NUP98: variants seen among roughly 807,000 people sequenced by gnomAD.
NUP98 encodes the protein nucleoporin 98 and 96 precursor.
In NUP98, 26 loss-of-function variants were observed where a neutral mutation model predicts 191.9. The ratio of observed to expected loss-of-function variants is 0.14; its 90% CI spans 0.10 to 0.19. The LOEUF (loss-of-function observed/expected upper bound fraction) is 0.19, where lower values mean the gene tolerates loss of function less well. NUP98 is among the 10% of genes least tolerant of loss of function. NUP98 has a pLI of 1.00. For missense variants in NUP98, 1,941 were observed against 2,178.8 expected (o/e 0.89, Z 2.17); for synonymous variants, 808 against 778.4 (o/e 1.04, Z -0.63).
In NUP98 at chr11:3,762,902, C is replaced by T. The variant is rs777065552; in HGVS notation, c.1086G>A (p.Ser362=). ...QTNTGFGAVG[S]TLFGNNKLTT... is the part of the protein sequence containing the mutation. ...ATTACAGTCAACTGCAGAAACCTAC[C>T]GAACCAACAGCACCAAATCCAGTAT... is the stretch of plus-strand genomic sequence containing the variant. The change falls in exon 9 of 33, where the codon TCG becomes TCA. Residue 362 remains serine (S), a splice_region_variant and synonymous_variant. Transcript: ENST00000324932. 7.4e-6 allele frequency: 12 copies of T among 1,612,748 alleles called. No homozygotes were observed. The highest frequency in any genetic ancestry group is 1.7e-5 in the Admixed American group (1 of 59,624).
At chr11:3,767,122 C>A (rs967145833) in intron 8 of NUP98, among the ~76,000 whole-genome samples, 1 of 152,030 alleles carries the variant, frequency 6.6e-6, no homozygotes, top group African/African-American at 2.4e-5. Context: ...GCCACCCAGC[C>A]CAGCTAATTT....
chr11:3,718,179 A>T (rs2079255549), intron 18 of NUP98, among the ~76,000 whole-genome samples: 1 of 152,180 alleles, frequency 6.6e-6, no homozygotes. Flanking sequence ...GAATTCACCA[A>T]TGAGGCCATC....
At position 3,683,266 on chromosome 11, in the gene NUP98, G is replaced by A; in HGVS notation, c.4852C>T (p.Leu1618Phe). Residue 1618 changes from leucine to phenylalanine, a missense_variant, in exon 30 of 33, where the codon CTT becomes TTT. Transcript: ENST00000324932. ...CAGTGCTCAGCCTTAAATAAGCAAAGGGCCTCTAAGTGCTTGTCAGATTCC... is the reference window on the plus strand; with the variant it reads ...CAGTGCTCAGCCTTAAATAAGCAAAAGGCCTCTAAGTGCTTGTCAGATTCC... ...HMESDKHLEA[L>F]CLFKAEHWNR... is the part of the protein sequence containing the mutation. 6.2e-7 allele frequency: 1 copy of A among 1,614,128 alleles called. No individual in the cohort carries two copies. The highest frequency in any genetic ancestry group is 8.5e-7 in the Non-Finnish European group (1 of 1,180,016).
chr11:3,788,840 G>T (rs7929637), intron 1 of NUP98, among the ~76,000 whole-genome samples: 1 of 150,114 alleles, frequency 6.7e-6, no homozygotes, highest in East Asian at 2.0e-4. Context: ...CCAGCTATTC[G>T]GGAGGCTGAG....
intron 5 of NUP98, among the ~76,000 whole-genome samples, chr11:3,774,482 T>C (rs1477733786): frequency 2.0e-5 from 3 of 152,098 alleles, no homozygotes; most frequent in Middle Eastern, 6.8e-3. Context: ...CCCAGCACTT[T>C]GGGAGGCCGA....
At chr11:3,679,822 G>C in intron 30 of NUP98, 114 bp from the exon 31 acceptor site, 1 of 1,015,570 alleles carries the variant, frequency 9.8e-7, no homozygotes, top group Non-Finnish European at 1.4e-6. Context: ...CTGGACTTCA[G>C]AAGTAAAAGC....
chr11:3,725,138 T>C lies in NUP98; in HGVS notation c.1812A>G (p.Leu604=). 1 of 1,596,462 alleles carries C rather than the reference T, an allele frequency of 6.3e-7. No homozygotes were observed. Among genetic ancestry groups the C allele is most frequent in the Non-Finnish European group, 8.6e-7 (1 of 1,164,836 alleles). ...FSPVNRDSEN[L]ASPSEYPENG... is the part of the protein sequence containing the mutation. ...TTTCTGGATATTCAGATGGTGAAGC[T>C]AGATTTTCTGAATCACGATTAACAG... The change falls in exon 15 of 33, where the codon CTA becomes CTG. Residue 604 remains leucine (L), a synonymous_variant. Coordinates refer to ENST00000324932, the MANE Select transcript of NUP98 (RefSeq NM_016320.5).
intron 28 of NUP98, among the ~76,000 whole-genome samples, chr11:3,687,495 T>G (rs7937799): frequency 0.091 from 13,799 of 152,268 alleles, 686 homozygotes; most frequent in South Asian, 0.16. Context: ...TGCTTTGTTT[T>G]CTTCTAGAAG....
rs573681848 is a variant in NUP98 at position 3,706,413 on chromosome 11, T to C, written c.2925+32A>G. The stretch of plus-strand genomic sequence containing the variant: ...TGGAGATAAAATATTAGTTTGGCTT[T>C]CTGTTACAAAAAAGGTGGGTTAGAA... On this transcript the variant is annotated intron_variant, in intron 21 of 32. Transcript: ENST00000324932. The C allele has an allele frequency of 6.2e-6, 10 of 1,606,316 alleles. No homozygotes were observed. In the South Asian group the frequency reaches 7.7e-5, roughly 12 times the overall value.
intron 11 of NUP98, among the ~76,000 whole-genome samples, chr11:3,745,933 G>A (rs565199790): frequency 5.2e-4 from 79 of 152,178 alleles, no homozygotes; most frequent in African/African-American, 1.9e-3. Context: ...AATCAGTAAG[G>A]ATGACTACTG....
intron 8 of NUP98, among the ~76,000 whole-genome samples, chr11:3,763,476 G>A (rs1055071280): frequency 1.3e-5 from 2 of 152,164 alleles, no homozygotes; most frequent in African/African-American, 4.8e-5. Flanking sequence ...TCAAGCTGGG[G>A]AGTGAACTTA....
intron 25 of NUP98, 55 bp from the exon 26 acceptor site, chr11:3,695,661 A>C: frequency 8.0e-7 from 1 of 1,254,646 alleles, no homozygotes; most frequent in Admixed American, 2.8e-5. Context: ...GGACTTCGTC[A>C]AACACTTGGG....
At position 3,719,120 on chromosome 11, in the gene NUP98, C is replaced by CA. The variant is rs770573619; in HGVS notation, c.2399+291dup. 5.2e-3 allele frequency among the ~76,000 whole-genome samples: 555 copies of CA among 106,702 alleles called. 7 individuals carry two copies. The highest frequency in any genetic ancestry group is 0.016 in the African/African-American group (454 of 29,032). 70.0% of individuals were successfully genotyped at this position (106,702 alleles called of 152,430 possible). A position where few individuals can be genotyped will look rare whatever the true frequency, so the allele number is the denominator to read the frequency against. ...GGGCAACAAGAGCAAAACTCCATCT[C>CA]AAAAAAAAAAAATAATAATAGTAAA... On this transcript the variant is annotated intron_variant, in intron 18 of 32. Coordinates refer to ENST00000324932, the MANE Select transcript of NUP98 (RefSeq NM_016320.5).
Position 3,686,071 on chromosome 11 carries a change from C to T in NUP98, c.4578G>A (p.Gln1526=), listed in dbSNP as rs1313853541. ...AACTGGCCTGTAGCACACCTTCACA[C>T]TGCGCTGAGAGATGGGTGTAGTTAA... The part of the protein sequence containing the change: ...RALNYTHLSA[Q]CEGVLQASYA... The change falls in exon 29 of 33, where the codon CAG becomes CAA. Residue 1526 remains glutamine, a synonymous_variant. Coordinates refer to ENST00000324932, the MANE Select transcript of NUP98 (RefSeq NM_016320.5). 1 of 1,614,206 alleles carries T rather than the reference C, an allele frequency of 6.2e-7. No homozygotes were observed. The highest frequency in any genetic ancestry group is 8.5e-7 in the Non-Finnish European group (1 of 1,180,042).
chr11:3,703,257 C>A (rs767997359), intron 22 of NUP98, among the ~76,000 whole-genome samples: 2 of 149,892 alleles, frequency 1.3e-5, no homozygotes, highest in South Asian at 4.2e-4. Flanking sequence ...CGCCCTGTAG[C>A]CCAGGCTAGA....
intron 8 of NUP98, 67 bp downstream of exon 8, chr11:3,768,514 G>C (rs1589923917): frequency 7.3e-7 from 1 of 1,361,918 alleles, no homozygotes; most frequent in South Asian, 2.0e-5. Flanking sequence ...AGTTTGACAT[G>C]ATTAGAATCC....
intron 1 of NUP98, among the ~76,000 whole-genome samples, chr11:3,792,246 T>C (rs2082381390): frequency 6.8e-6 from 1 of 147,690 alleles, no homozygotes. Flanking sequence ...AGCTTCTCAA[T>C]TCTTAAAAAG....
chr11:3,792,178 C>CAAAAAAAAAAAAAAAA (rs61471948), intron 1 of NUP98, among the ~76,000 whole-genome samples: 3 of 58,852 alleles, frequency 5.1e-5, no homozygotes, highest in Non-Finnish European at 6.2e-5. Context: ...AACTCCATCT[C>CAAAAAAAAAAAAAAAA]AAAAAAAAAA....
chr11:3,726,248 A>G (rs2079613373), intron 14 of NUP98, among the ~76,000 whole-genome samples: 1 of 152,148 alleles, frequency 6.6e-6, no homozygotes, highest in Non-Finnish European at 1.5e-5. Flanking sequence ...AAATTTACAT[A>G]TTTAAATGCA....
Sources: allele counts gnomAD v4.1 joint callset (sites outside exome capture counted in the v4.1 genomes callset), GRCh38; gene constraint gnomAD v4.1.1; transcripts MANE v1.5; gene names NCBI Gene and HGNC (gene_info 2026-07-23, HGNC 2026-07-21).